IQGAP2: variants seen among roughly 807,000 people sequenced by gnomAD.
IQGAP2 encodes the protein ras GTPase-activating-like protein IQGAP2.
Under a neutral mutation model 201.3 loss-of-function variants are expected in IQGAP2, and 173 were observed. The ratio of observed to expected loss-of-function variants is 0.86; its 90% confidence interval spans 0.76 to 0.98. IQGAP2 has a LOEUF of 0.98. Among genes scored for constraint, IQGAP2 ranks in the 50% least tolerant of loss-of-function variants. The pLI, the probability that IQGAP2 is intolerant of heterozygous loss-of-function variation, is 0.00. For synonymous variants in IQGAP2, 675 were observed against 673.9 expected (o/e 1.00, Z -0.03); for missense variants, 1,687 against 1,864.8 (o/e 0.90, Z 1.76).
chr5:76,406,535 T>A (rs1249231729), intron 1 of IQGAP2, among the ~76,000 whole-genome samples: 1 of 152,284 alleles, frequency 6.6e-6, no homozygotes, highest in Non-Finnish European at 1.5e-5. Flanking sequence ...ATAGTATTTT[T>A]CTATACTCAA....
At chr5:76,549,300 T>C (rs1440411788) in intron 2 of IQGAP2, among the ~76,000 whole-genome samples, 1 of 148,778 alleles carries the variant, frequency 6.7e-6, no homozygotes, top group Non-Finnish European at 1.5e-5. Context: ...TTTGGTTCAG[T>C]CTCAGGCGTC....
At chr5:76,430,842 AAAT>A (rs1255411635) in intron 1 of IQGAP2, among the ~76,000 whole-genome samples, 5 of 152,190 alleles carry the variant, frequency 3.3e-5, no homozygotes, top group African/African-American at 1.2e-4. Context: ...GAATTAATGA[AAAT>A]AATTGCGTTC....
chr5:76,542,173 A>G (rs999778710), intron 2 of IQGAP2, among the ~76,000 whole-genome samples: 1 of 152,084 alleles, frequency 6.6e-6, no homozygotes, highest in Non-Finnish European at 1.5e-5. Context: ...ATTGATAGAG[A>G]TGGTGTCACA....
At chr5:76,451,353 A>G (rs184798358) in intron 1 of IQGAP2, among the ~76,000 whole-genome samples, 1 of 152,144 alleles carries the variant, frequency 6.6e-6, no homozygotes, top group African/African-American at 2.4e-5. Context: ...TTTGGATTTC[A>G]TGTCACACAG....
intron 12 of IQGAP2, among the ~76,000 whole-genome samples, chr5:76,610,471 G>A (rs551120122): frequency 1.1e-4 from 16 of 151,758 alleles, no homozygotes; most frequent in South Asian, 2.1e-4. Context: ...AGGAGGCTGA[G>A]GCACAAGAAT....
chr5:76,526,458 AT>A lies in IQGAP2; in HGVS notation c.147-35937del, dbSNP rs140127968. ...CCTTAAGGAGTGTCAGAAGTGGGAT[AT>A]AATATGGAGAAAAGAGAAAGCATTA... On this transcript the variant is annotated intron_variant, in intron 2 of 35. Coordinates refer to ENST00000274364, the MANE Select transcript of IQGAP2 (RefSeq NM_006633.5). Among the ~76,000 whole-genome samples the A allele has an allele frequency of 6.6e-3, 1,005 of 152,374 alleles. 8 individuals carry two copies. Among genetic ancestry groups the A allele is most frequent in the African/African-American group, 0.022 (917 of 41,588 alleles).
intron 33 of IQGAP2, among the ~76,000 whole-genome samples, chr5:76,698,694 T>C (rs1254219347): frequency 1.3e-5 from 2 of 152,202 alleles, no homozygotes; most frequent in African/African-American, 2.4e-5. Flanking sequence ...TATCCTTTGC[T>C]TAGTAATTAT....
At chr5:76,407,567 G>A (rs1750865774) in intron 1 of IQGAP2, among the ~76,000 whole-genome samples, 2 of 152,216 alleles carry the variant, frequency 1.3e-5, no homozygotes, top group Non-Finnish European at 2.9e-5. Context: ...TAGACAAAAA[G>A]TCAAGCTGCT....
intron 3 of IQGAP2, 77 bp from the exon 4 acceptor site, chr5:76,570,503 A>C (rs769815010): frequency 1.1e-6 from 1 of 937,726 alleles, no homozygotes; most frequent in African/African-American, 1.6e-5. Flanking sequence ...CATCCTGTAC[A>C]TGAAAAAAGT....
At chr5:76,540,113 A>G (rs1742662689) in intron 2 of IQGAP2, among the ~76,000 whole-genome samples, 1 of 152,134 alleles carries the variant, frequency 6.6e-6, no homozygotes, top group Non-Finnish European at 1.5e-5. Flanking sequence ...TCCTGACTCT[A>G]TGCCAGTGAC....
At chr5:76,667,473 A>G (rs1306928322) in intron 22 of IQGAP2, among the ~76,000 whole-genome samples, 2 of 152,182 alleles carry the variant, frequency 1.3e-5, no homozygotes, top group Non-Finnish European at 2.9e-5. Context: ...CTTTGTACAT[A>G]CTTCCTCTAT....
rs56658667 is a variant in IQGAP2 at position 76,579,440 on chromosome 5, T to TAA, written c.458+3688_458+3689dup. Among the ~76,000 whole-genome samples, 814 of 138,886 alleles carry TAA rather than the reference T, an allele frequency of 5.9e-3. 5 individuals are homozygous for TAA. Among genetic ancestry groups the TAA allele is most frequent in the African/African-American group, 0.017 (653 of 37,484 alleles). The allele number at this position is 138,886 out of a possible 152,430, so 91.1% of individuals were successfully genotyped here. ...GGCATCAGGCTAAACTTTCTTTGTTTAAAAAAAAAAAAAAAAAATCAGACC... is the reference window on the plus strand; with the variant it reads ...GGCATCAGGCTAAACTTTCTTTGTTTAAAAAAAAAAAAAAAAAAAATCAGACC... On this transcript the variant is annotated intron_variant, in intron 5 of 35. Coordinates refer to ENST00000274364, the MANE Select transcript of IQGAP2 (RefSeq NM_006633.5).
intron 9 of IQGAP2, among the ~76,000 whole-genome samples, chr5:76,593,280 T>C (rs981169723): frequency 6.6e-6 from 1 of 152,232 alleles, no homozygotes; most frequent in Non-Finnish European, 1.5e-5. Context: ...TATGCGATGA[T>C]GTTCTATTGG....
intron 1 of IQGAP2, among the ~76,000 whole-genome samples, chr5:76,421,144 C>A (rs1196308097): frequency 1.3e-5 from 2 of 152,118 alleles, no homozygotes; most frequent in African/African-American, 4.8e-5. Context: ...AATTGTATAC[C>A]TATCACTTTT....
rs188301049 is a variant in IQGAP2 at position 76,647,700 on chromosome 5, G to A, written c.2095-5050G>A. Among the ~76,000 whole-genome samples, 10 of 152,126 alleles carry A rather than the reference G, an allele frequency of 6.6e-5. No individual in the cohort carries two copies. The South Asian group carries it at 8.3e-4, about 13-fold the overall frequency. On this transcript the variant is annotated intron_variant, in intron 17 of 35. Transcript: ENST00000274364. Reference sequence around the variant, plus strand: ...TCTCAGGTATGTCTGTATCATCAGCGTGAAAACTGATTAATACAGGCTCTA... The same window carrying A: ...TCTCAGGTATGTCTGTATCATCAGCATGAAAACTGATTAATACAGGCTCTA...
intron 2 of IQGAP2, among the ~76,000 whole-genome samples, chr5:76,496,757 C>CT (rs780938080): frequency 0.069 from 5,483 of 79,112 alleles, 292 homozygotes; most frequent in East Asian, 0.084. Context: ...TTCTTTCTTT[C>CT]TTTCTTTCTT....
chr5:76,515,605 A>G (rs1013802267), intron 2 of IQGAP2, among the ~76,000 whole-genome samples: 2 of 152,228 alleles, frequency 1.3e-5, no homozygotes, highest in African/African-American at 4.8e-5. Context: ...AAGTGCATCT[A>G]TAGGAACAAA....
intron 30 of IQGAP2, among the ~76,000 whole-genome samples, chr5:76,684,769 G>C (rs1380557505): frequency 6.6e-6 from 1 of 152,128 alleles, no homozygotes; most frequent in African/African-American, 2.4e-5. Flanking sequence ...TTTGTGGCAA[G>C]AGCTTTCTCT....
intron 1 of IQGAP2, among the ~76,000 whole-genome samples, chr5:76,411,113 G>A (rs972482834): frequency 2.0e-5 from 3 of 152,174 alleles, no homozygotes; most frequent in Non-Finnish European, 2.9e-5. Flanking sequence ...CAGAAAGCCT[G>A]TGACGGGGTC....
Sources: gnomAD v4.1 joint callset for allele counts (sites outside exome capture counted in the v4.1 genomes callset) on GRCh38, gnomAD v4.1.1 for gene constraint, MANE v1.5 for transcripts, NCBI Gene and HGNC (gene_info 2026-07-23, HGNC 2026-07-21) for gene names.